The following SHISA9 variants were observed in gnomAD, a reference collection of about 807,000 sequenced individuals.
The protein encoded by SHISA9 is shisa family member 9.
In SHISA9, 13 loss-of-function variants were observed where a neutral mutation model predicts 38.0. The observed-to-expected ratio is 0.34, with a 90% CI of 0.22 to 0.54. The LOEUF is 0.54. SHISA9 is among the 20% of genes least tolerant of loss of function. The pLI is 0.91. For missense variants in SHISA9, 538 were observed against 575.8 expected, an observed-to-expected ratio of 0.93 and a Z score of 0.67; for synonymous variants, 275 against 242.0, an observed-to-expected ratio of 1.14 and a Z score of -1.27.
downstream of SHISA9, among the ~76,000 whole-genome samples, chr16:13,245,011 G>A (rs2051461693): frequency 6.6e-6 from 1 of 152,146 alleles, no homozygotes; most frequent in Non-Finnish European, 1.5e-5. Flanking sequence ...GACCTCTGGG[G>A]CTCTAGCAGT....
At chr16:13,258,785 A>G in the SHISA9 span, among the ~76,000 whole-genome samples, 1 of 152,200 alleles carries the variant, frequency 6.6e-6, no homozygotes, top group African/African-American at 2.4e-5. Flanking sequence ...AGAGAATAGC[A>G]TGGGAAAAAC....
intron 2 of SHISA9, among the ~76,000 whole-genome samples, chr16:12,980,361 G>A (rs2072224355): frequency 6.6e-6 from 1 of 152,196 alleles, no homozygotes; most frequent in Non-Finnish European, 1.5e-5. Flanking sequence ...AGCTTAATTG[G>A]ATATAATATG....
intron 2 of SHISA9, among the ~76,000 whole-genome samples, chr16:12,939,497 C>CCAAA (rs2071580777): frequency 6.6e-6 from 1 of 152,152 alleles, no homozygotes; most frequent in South Asian, 2.1e-4. Context: ...TTTCATTGTA[C>CCAAA]TTTGAATGGA....
At chr16:13,532,048 A>G in the SHISA9 span, among the ~76,000 whole-genome samples, 2 of 152,218 alleles carry the variant, frequency 1.3e-5, no homozygotes, top group African/African-American at 4.8e-5. Context: ...CCCTCTAAGG[A>G]GTCTGATGAT....
chr16:13,243,916 G>T (rs972813379), downstream of SHISA9, among the ~76,000 whole-genome samples: 1 of 152,000 alleles, frequency 6.6e-6, no homozygotes, highest in African/African-American at 2.4e-5. Flanking sequence ...GGGACTACAG[G>T]CACGCACCAC....
intron 2 of SHISA9, among the ~76,000 whole-genome samples, chr16:13,110,636 G>A (rs1237455724): frequency 6.6e-6 from 1 of 152,192 alleles, no homozygotes; most frequent in Non-Finnish European, 1.5e-5. Context: ...TGGAGACTCG[G>A]AAACAGTCAT....
chr16:13,500,008 C>T, the SHISA9 span, among the ~76,000 whole-genome samples: 1,488 of 152,290 alleles, frequency 9.8e-3, 21 homozygotes, highest in African/African-American at 0.031. Flanking sequence ...GCAAATATAG[C>T]AGCGTGGTGT....
chr16:13,562,239 GT>G, the SHISA9 span, among the ~76,000 whole-genome samples: 3 of 152,170 alleles, frequency 2.0e-5, no homozygotes, highest in African/African-American at 4.8e-5. Context: ...GAGAAATTGG[GT>G]TCTATGACTG....
intron 2 of SHISA9, among the ~76,000 whole-genome samples, chr16:13,071,675 T>C (rs2073520358): frequency 1.3e-5 from 2 of 151,570 alleles, no homozygotes; most frequent in South Asian, 4.2e-4. Flanking sequence ...AGAGTCTCTG[T>C]CACTCAGGCT....
chr16:13,517,705 G>A, the SHISA9 span, among the ~76,000 whole-genome samples: 1 of 152,176 alleles, frequency 6.6e-6, no homozygotes, highest in African/African-American at 2.4e-5. Context: ...GCAGAAAAGA[G>A]AAGGACCTCA....
At chr16:13,187,328 C>CTTTTCTTTTCTTTTTTTTTTT (rs1450024008) in intron 2 of SHISA9, among the ~76,000 whole-genome samples, 2 of 90,676 alleles carry the variant, frequency 2.2e-5, no homozygotes, top group Non-Finnish European at 4.4e-5. Flanking sequence ...CTTTTCTTTT[C>CTTTTCTTTTCTTTTTTTTTTT]TTTTTTTTTT....
At chr16:13,420,051 G>C in the SHISA9 span, among the ~76,000 whole-genome samples, 3 of 151,996 alleles carry the variant, frequency 2.0e-5, no homozygotes, top group African/African-American at 7.3e-5. Context: ...TTCAAGACCA[G>C]GCTGGCCAAC....
the SHISA9 span, among the ~76,000 whole-genome samples, chr16:13,368,610 AATG>A: frequency 6.6e-6 from 1 of 152,020 alleles, no homozygotes; most frequent in Non-Finnish European, 1.5e-5. Context: ...CTGATGGTAA[AATG>A]ATGGGGTGTG....
intron 2 of SHISA9, among the ~76,000 whole-genome samples, chr16:13,063,665 T>C (rs1052177119): frequency 5.9e-5 from 9 of 152,168 alleles, no homozygotes; most frequent in African/African-American, 1.4e-4. Context: ...CTCACCACTT[T>C]CCAGCGAGAG....
At chr16:13,005,994 G>A (rs2072592890) in intron 2 of SHISA9, among the ~76,000 whole-genome samples, 1 of 152,120 alleles carries the variant, frequency 6.6e-6, no homozygotes, top group Non-Finnish European at 1.5e-5. Context: ...CTTTTTGATT[G>A]CAAAGTCACC....
intron 3 of SHISA9, among the ~76,000 whole-genome samples, chr16:13,210,942 T>A (rs2051113091): frequency 6.6e-6 from 1 of 152,168 alleles, no homozygotes; most frequent in African/African-American, 2.4e-5. Flanking sequence ...GGGAAGCCTA[T>A]CCCCTGCTCT....
intron 2 of SHISA9, among the ~76,000 whole-genome samples, chr16:13,101,176 G>A (rs1167240012): frequency 6.6e-6 from 1 of 152,170 alleles, no homozygotes; most frequent in African/African-American, 2.4e-5. Context: ...AATGAGCTCT[G>A]GAGATCTAAT....
chr16:13,528,649 T>C, the SHISA9 span, among the ~76,000 whole-genome samples: 2 of 152,200 alleles, frequency 1.3e-5, no homozygotes, highest in Admixed American at 6.5e-5. Context: ...ATTTTGGCTT[T>C]GCCTCTTCGT....
At chr16:13,165,787 T>G (rs999529673) in intron 2 of SHISA9, among the ~76,000 whole-genome samples, 7 of 152,174 alleles carry the variant, frequency 4.6e-5, no homozygotes, top group African/African-American at 1.7e-4. Flanking sequence ...TAAGATTAAT[T>G]TACTAGGGTG....
Sources: allele counts gnomAD v4.1 joint callset (sites outside exome capture counted in the v4.1 genomes callset), GRCh38; gene constraint gnomAD v4.1.1; transcripts MANE v1.5; gene names NCBI Gene and HGNC (gene_info 2026-07-23, HGNC 2026-07-21).